Variants in MYCBP2 observed in about 807,000 individuals in gnomAD.
MYCBP2 encodes MYC binding protein 2.
MYCBP2 carries 120 observed loss-of-function variants against 525.3 expected under a neutral mutation model. That is an observed-to-expected ratio of 0.23 (90% CI 0.20 to 0.27). The LOEUF (loss-of-function observed/expected upper bound fraction) is 0.27. Among genes scored for constraint, MYCBP2 ranks in the 10% least tolerant of loss-of-function variants. MYCBP2 has a pLI of 1.00. For synonymous variants in MYCBP2, 1,894 were observed against 1,955.8 expected, an observed-to-expected ratio of 0.97 and a Z score of 0.83; for missense variants, 4,149 against 5,657.1, an observed-to-expected ratio of 0.73 and a Z score of 8.55.
In MYCBP2 at chr13:77,058,588, A is replaced by C. The variant is rs559157218; in HGVS notation, c.13141-182T>G. 1.3e-5 allele frequency among the ~76,000 whole-genome samples: 2 copies of C among 152,102 alleles called. No individual in the cohort carries two copies. The highest frequency in any genetic ancestry group is 6.5e-5 in the Admixed American group (1 of 15,282). On this transcript the variant is annotated intron_variant, in intron 77 of 82. Coordinates refer to ENST00000544440, the MANE Select transcript of MYCBP2 (RefSeq NM_015057.5). This position sits in a 1 kb window ranked among gnomAD's most constrained non-coding sequence, Gnocchi z 4.1. Reference sequence around the variant, plus strand: ...GAATATAAATTAGGCTTCTTAACAAAGTTTTTTTTTTTTGATGCGATTTTT... The same window carrying C: ...GAATATAAATTAGGCTTCTTAACAACGTTTTTTTTTTTTGATGCGATTTTT...
chr13:77,128,331 A>C (rs1182833283), intron 52 of MYCBP2, among the ~76,000 whole-genome samples: 1 of 151,948 alleles, frequency 6.6e-6, no homozygotes, highest in Non-Finnish European at 1.5e-5. Context: ...GATTCTTAAA[A>C]ATTACATGGC....
chr13:77,146,091 TG>T, intron 48 of MYCBP2, 70 bp downstream of exon 48: 3 of 961,624 alleles, frequency 3.1e-6, no homozygotes, highest in Non-Finnish European at 1.5e-6. Context: ...AAAGTTGAAA[TG>T]CAGGATGATT....
At chr13:77,303,421 T>C (rs952245321) in intron 1 of MYCBP2, among the ~76,000 whole-genome samples, 1 of 152,174 alleles carries the variant, frequency 6.6e-6, no homozygotes, top group Non-Finnish European at 1.5e-5. Context: ...AGAATACATA[T>C]TCTTTTCAAG....
rs753583464 is a variant in MYCBP2, at chr13:77,257,848, T to C, written c.2018-19A>G. The C allele has an allele frequency of 1.2e-5, 19 of 1,589,614 alleles. No homozygotes were observed. Among genetic ancestry groups the C allele is most frequent in the Non-Finnish European group, 1.5e-5 (18 of 1,172,576 alleles). On this transcript the variant is annotated intron_variant, in intron 13 of 82. Coordinates refer to ENST00000544440, the MANE Select transcript of MYCBP2 (RefSeq NM_015057.5). ...ACCAAACCTATAGGAAAGAAACAAA[T>C]TTAGTAAAAACAACAAAAAGGCCCT...
intron 27 of MYCBP2, among the ~76,000 whole-genome samples, chr13:77,192,129 T>C (rs2061351976): frequency 6.6e-6 from 1 of 152,156 alleles, no homozygotes; most frequent in Non-Finnish European, 1.5e-5. Context: ...TGCTGGAAAA[T>C]AAAAATCTGA....
At chr13:77,097,248 T>C in intron 56 of MYCBP2, 122 bp downstream of exon 56, 1 of 1,336,162 alleles carries the variant, frequency 7.5e-7, no homozygotes. Context: ...ACTTTAAAAA[T>C]GACATTCTAA....
At chr13:77,262,215 G>A in intron 10 of MYCBP2, 86 bp from the exon 11 acceptor site, 1 of 1,094,526 alleles carries the variant, frequency 9.1e-7, no homozygotes. Flanking sequence ...TGATTGCAAT[G>A]TCAATTCAAA....
chr13:77,071,485 A>C (rs773547605), intron 68 of MYCBP2, among the ~76,000 whole-genome samples: 5 of 152,196 alleles, frequency 3.3e-5, no homozygotes, highest in Non-Finnish European at 7.3e-5. Flanking sequence ...CCTAACAATG[A>C]GGAAAAACCT....
intron 80 of MYCBP2, among the ~76,000 whole-genome samples, chr13:77,054,303 G>A (rs1036071215): frequency 1.3e-5 from 2 of 152,192 alleles, no homozygotes; most frequent in Non-Finnish European, 2.9e-5. Flanking sequence ...GGCAGCAAAT[G>A]GAGAGCAAAT....
intron 17 of MYCBP2, among the ~76,000 whole-genome samples, chr13:77,235,505 T>C (rs1211673715): frequency 1.3e-5 from 2 of 152,094 alleles, no homozygotes; most frequent in Non-Finnish European, 2.9e-5. Context: ...GAAATTTGCT[T>C]GGAGAGGTAT....
chr13:77,263,621 A>G, intron 10 of MYCBP2, 30 bp downstream of exon 10: 1 of 1,581,678 alleles, frequency 6.3e-7, no homozygotes, highest in Non-Finnish European at 8.6e-7. Flanking sequence ...AAATTAAAAT[A>G]TAGGGAAAAC....
chr13:77,216,368 T>C (rs2064828611), intron 21 of MYCBP2, among the ~76,000 whole-genome samples: 1 of 152,138 alleles, frequency 6.6e-6, no homozygotes, highest in Non-Finnish European at 1.5e-5. Flanking sequence ...AAAGACTAGC[T>C]CAGGAAAGAA....
chr13:77,311,948 A>G (rs1213146717), intron 1 of MYCBP2, among the ~76,000 whole-genome samples: 3 of 152,162 alleles, frequency 2.0e-5, no homozygotes, highest in Non-Finnish European at 2.9e-5. Context: ...ATACACATCA[A>G]ATTAAGCTGC....
In MYCBP2 at chr13:77,233,152, A is replaced by C; in HGVS notation, c.2737+4T>G. The C allele has an allele frequency of 6.2e-7, 1 of 1,612,260 alleles. No individual in the cohort carries two copies. Among genetic ancestry groups the C allele is most frequent in the Non-Finnish European group, 8.5e-7 (1 of 1,178,686 alleles). On this transcript the variant is annotated splice_donor_region_variant and intron_variant, in intron 18 of 82. Transcript: ENST00000544440. ...CCACCTAGGTGATAAGGAAGACCAA[A>C]TACCTTTGTGCTTGTCCCGTTTATG...
rs771219922 is a variant in MYCBP2 at position 77,051,080 on chromosome 13, G to C, written c.13838C>G (p.Thr4613Arg). The change falls in exon 82 of 83, where the codon ACA (threonine) becomes AGA (arginine). Residue 4613 changes from threonine (T) to arginine (R), a missense_variant. Physicochemically the swap from Thr to Arg is moderately conservative, Grantham distance 71. This residue lies in a region of MYCBP2 where 45 missense variants were observed against 130.1 expected (regional missense o/e 0.35). Transcript: ENST00000544440. The stretch of plus-strand genomic sequence containing the variant: ...ATGACAAGCATTACAAAAATGTGTT[G>C]TTCCAAAACAGAAAAAAACAGCCAC... ...CSVAVFFCFG[T>R]THFCNACHDD... The C allele has an allele frequency of 1.2e-6, 2 of 1,612,960 alleles. No individual in the cohort carries two copies. The highest frequency in any genetic ancestry group is 1.7e-6 in the Non-Finnish European group (2 of 1,179,648).
rs1435672972 is a variant in MYCBP2, at chr13:77,067,805, G to A, written c.12231C>T (p.Ile4077=). ...CTGGGGGGAGGGATTTCACTCCTAT[G>A]ATGCTGGCCAGACGACTAGGGGTTA... ...PEVTPSRLAS[I]IGVKSLPPAD... The change falls in exon 71 of 83, where the codon ATC becomes ATT. Residue 4077 remains isoleucine, a synonymous_variant. Coordinates refer to ENST00000544440, the MANE Select transcript of MYCBP2 (RefSeq NM_015057.5). The A allele has an allele frequency of 1.9e-6, 3 of 1,614,170 alleles. No homozygotes were observed. Among genetic ancestry groups the A allele is most frequent in the Non-Finnish European group, 2.5e-6 (3 of 1,179,994 alleles).
At chr13:77,178,039 A>G in intron 34 of MYCBP2, 85 bp from the exon 35 acceptor site, 2 of 821,230 alleles carry the variant, frequency 2.4e-6, no homozygotes, top group Non-Finnish European at 2.1e-6. Context: ...CTAATAAAAT[A>G]ACCTTTATTT....
At chr13:77,103,073 T>G in intron 55 of MYCBP2, 1 of 388,166 alleles carries the variant, frequency 2.6e-6, no homozygotes, top group Non-Finnish European at 4.6e-6. Flanking sequence ...CAAACATATA[T>G]AAATGTAAAT....
chr13:77,190,266 A>C lies in MYCBP2; in HGVS notation c.4140T>G (p.Pro1380=). ...NGTDVNAGQI[P]QLLYRLPTSD... Reference sequence around the variant, plus strand: ...ATGCTAAATACCTGTATAATAACTGAGGTATCTGACCCGCATTAACATCTG... The same window carrying C: ...ATGCTAAATACCTGTATAATAACTGCGGTATCTGACCCGCATTAACATCTG... Residue 1380 remains proline (P), a synonymous_variant, in exon 29 of 83, where the codon CCT becomes CCG. Transcript: ENST00000544440. 6.2e-7 allele frequency: 1 copy of C among 1,602,072 alleles called. No individual in the cohort carries two copies. Among genetic ancestry groups the C allele is most frequent in the South Asian group, 1.1e-5 (1 of 90,010 alleles).
Sources: allele counts gnomAD v4.1 joint callset (sites outside exome capture counted in the v4.1 genomes callset), GRCh38; gene constraint gnomAD v4.1.1; regional missense constraint gnomAD v4.1.1; non-coding constraint Gnocchi (gnomAD v3.1); transcripts MANE v1.5; gene names NCBI Gene and HGNC (gene_info 2026-07-23, HGNC 2026-07-21).